CNTNAP2: variants seen among roughly 807,000 people sequenced by gnomAD.
CNTNAP2 encodes contactin-associated protein-like 2.
A neutral mutation model predicts 155.2 loss-of-function variants in CNTNAP2; 98 were observed. The observed-to-expected ratio is 0.63, with a 90% CI of 0.54 to 0.75. The LOEUF is 0.75. CNTNAP2 is among the 30% of genes least tolerant of loss of function. CNTNAP2 has a pLI of 0.00. For missense variants in CNTNAP2, 1,727 were observed against 1,688.1 expected (o/e 1.02, Z -0.40); for synonymous variants, 651 against 631.2 (o/e 1.03, Z -0.47).
intron 1 of CNTNAP2, among the ~76,000 whole-genome samples, chr7:146,699,741 G>A (rs1800843041): frequency 6.6e-6 from 1 of 152,066 alleles, no homozygotes; most frequent in Admixed American, 6.6e-5. Context: ...GCCGAGGTGG[G>A]AGGATCATCT....
chr7:148,394,540 GA>G (rs1799423585), intron 22 of CNTNAP2, among the ~76,000 whole-genome samples: 1 of 151,960 alleles, frequency 6.6e-6, no homozygotes, highest in Admixed American at 6.6e-5. Flanking sequence ...CATTTTATTG[GA>G]ATTGTTTAAA....
At chr7:146,148,716 C>CA (rs1797990597) in intron 1 of CNTNAP2, among the ~76,000 whole-genome samples, 1 of 151,974 alleles carries the variant, frequency 6.6e-6, no homozygotes, top group Admixed American at 6.6e-5. Flanking sequence ...AGGCTATAAT[C>CA]ACAAAATAGT....
intron 9 of CNTNAP2, among the ~76,000 whole-genome samples, chr7:147,347,445 TATATATATATGC>T (rs1795889685): frequency 2.0e-5 from 1 of 50,582 alleles, no homozygotes; most frequent in Non-Finnish European, 4.4e-5. Flanking sequence ...TATATGCATA[TATATATATATGC>T]ATATATATAT....
At chr7:147,144,393 C>T (rs1284988683) in intron 8 of CNTNAP2, among the ~76,000 whole-genome samples, 1 of 152,204 alleles carries the variant, frequency 6.6e-6, no homozygotes, top group Admixed American at 6.5e-5. Flanking sequence ...ACACATACTA[C>T]ACTTCCAGCA....
chr7:147,656,348 C>T (rs1563041063), intron 13 of CNTNAP2, among the ~76,000 whole-genome samples: 1 of 152,202 alleles, frequency 6.6e-6, no homozygotes, highest in Admixed American at 6.5e-5. Flanking sequence ...GGTTAGCTTC[C>T]AGCCTATCTT....
rs181553317 is a variant in CNTNAP2 at position 147,875,670 on chromosome 7, T to C, written c.2099-27895T>C. On this transcript the variant is annotated intron_variant, in intron 13 of 23. Transcript: ENST00000361727. ...ACTTTGGGAGGCCAAGGTAGTAGGATACCTTGAGCCCATGAGTTCAAGGCC... is the reference window on the plus strand; with the variant it reads ...ACTTTGGGAGGCCAAGGTAGTAGGACACCTTGAGCCCATGAGTTCAAGGCC... Among the ~76,000 whole-genome samples the C allele has an allele frequency of 4.6e-5, 7 of 152,252 alleles. No homozygotes were observed. In the East Asian group the frequency reaches 1.4e-3, roughly 29 times the overall value.
Position 146,765,831 on chromosome 7 carries a change from G to T in CNTNAP2, c.98-8440G>T, listed in dbSNP as rs147185518. On this transcript the variant is annotated intron_variant, in intron 1 of 23. Transcript: ENST00000361727. Reference sequence around the variant, plus strand: ...TTTGCGTCAGAATCAGAGTGGAAAGGAACCAGCTCTTTTAAACCTGGTAGA... The same window carrying T: ...TTTGCGTCAGAATCAGAGTGGAAAGTAACCAGCTCTTTTAAACCTGGTAGA... Among the ~76,000 whole-genome samples the T allele has an allele frequency of 2.1e-3, 324 of 152,238 alleles. 2 individuals are homozygous for T. The highest frequency in any genetic ancestry group is 7.4e-3 in the African/African-American group (309 of 41,552).
chr7:148,156,906 T>C (rs1805409271), intron 17 of CNTNAP2, among the ~76,000 whole-genome samples: 1 of 152,116 alleles, frequency 6.6e-6, no homozygotes. Flanking sequence ...TGAGTCTACC[T>C]CCAGACTGTC....
chr7:147,367,374 A>G (rs909505486), intron 9 of CNTNAP2, among the ~76,000 whole-genome samples: 1 of 152,188 alleles, frequency 6.6e-6, no homozygotes, highest in African/African-American at 2.4e-5. Context: ...GCCGTTCTCT[A>G]GTGTCACAGC....
intron 13 of CNTNAP2, among the ~76,000 whole-genome samples, chr7:147,723,301 A>G (rs1377017169): frequency 6.6e-6 from 1 of 152,102 alleles, no homozygotes; most frequent in Non-Finnish European, 1.5e-5. Flanking sequence ...GAAAAATGGC[A>G]TGTGTAGTAG....
intron 11 of CNTNAP2, among the ~76,000 whole-genome samples, chr7:147,517,789 C>G (rs1468686656): frequency 3.3e-5 from 5 of 149,564 alleles, no homozygotes; most frequent in Non-Finnish European, 7.4e-5. Flanking sequence ...TAAAAAGTCT[C>G]AAGTAACAAT....
intron 13 of CNTNAP2, among the ~76,000 whole-genome samples, chr7:147,800,161 A>G (rs892059375): frequency 2.6e-5 from 4 of 152,178 alleles, no homozygotes; most frequent in Non-Finnish European, 5.9e-5. Flanking sequence ...AATTTTGTCT[A>G]TACTCCCAAG....
intron 1 of CNTNAP2, among the ~76,000 whole-genome samples, chr7:146,675,448 A>G (rs1437053128): frequency 6.6e-6 from 1 of 152,204 alleles, no homozygotes; most frequent in Non-Finnish European, 1.5e-5. Flanking sequence ...GACTTGCTCT[A>G]TGACCTTAGG....
intron 14 of CNTNAP2, among the ~76,000 whole-genome samples, chr7:147,952,710 A>G (rs1800957016): frequency 6.6e-6 from 1 of 152,146 alleles, no homozygotes; most frequent in Admixed American, 6.5e-5. Flanking sequence ...ACACACACAG[A>G]CACGTCACAT....
In CNTNAP2 at chr7:147,339,495, T is replaced by G. The variant is rs1040218705; in HGVS notation, c.1498+39205T>G. ...AGACACAGCTGCCCAGTCTTGAACT[T>G]TGCAGCCACCAGACTCCATGAGCCA... On this transcript the variant is annotated intron_variant, in intron 9 of 23. Transcript: ENST00000361727. Among the ~76,000 whole-genome samples, 28 of 152,148 alleles carry G rather than the reference T, an allele frequency of 1.8e-4. 1 individual carries two copies. Among genetic ancestry groups the G allele is most frequent in the African/African-American group, 6.5e-4 (27 of 41,436 alleles).
chr7:147,073,496 A>G (rs1433234319), intron 4 of CNTNAP2, among the ~76,000 whole-genome samples: 1 of 152,174 alleles, frequency 6.6e-6, no homozygotes, highest in East Asian at 1.9e-4. Flanking sequence ...ATTGTGACTT[A>G]GCTATGCATA....
At chr7:148,191,323 T>G (rs542824664) in intron 18 of CNTNAP2, among the ~76,000 whole-genome samples, 3 of 152,142 alleles carry the variant, frequency 2.0e-5, no homozygotes, top group Admixed American at 6.5e-5. Flanking sequence ...CCTCTTCTCT[T>G]TGTCCTTCTG....
At chr7:146,735,293 C>T (rs1801593028) in intron 1 of CNTNAP2, among the ~76,000 whole-genome samples, 1 of 152,182 alleles carries the variant, frequency 6.6e-6, no homozygotes, top group South Asian at 2.1e-4. Flanking sequence ...TGGCTCACGC[C>T]TGTAATCCCG....
At position 146,384,278 on chromosome 7, in the gene CNTNAP2, T is replaced by C. The variant is rs759882959; in HGVS notation, c.97+267305T>C. ...AAACCCAATCATATTGTTAGAACTTTCGTTGTACAGAAATTATTTCTGCTT... is the reference window on the plus strand; with the variant it reads ...AAACCCAATCATATTGTTAGAACTTCCGTTGTACAGAAATTATTTCTGCTT... On this transcript the variant is annotated intron_variant, in intron 1 of 23. Coordinates refer to ENST00000361727, the MANE Select transcript of CNTNAP2 (RefSeq NM_014141.6). 2.6e-5 allele frequency among the ~76,000 whole-genome samples: 4 copies of C among 152,182 alleles called. No individual in the cohort carries two copies. In the South Asian group the frequency reaches 6.2e-4, roughly 24 times the overall value.
Sources: gnomAD v4.1 joint callset for allele counts (sites outside exome capture counted in the v4.1 genomes callset) on GRCh38, gnomAD v4.1.1 for gene constraint, MANE v1.5 for transcripts, NCBI Gene and HGNC (gene_info 2026-07-23, HGNC 2026-07-21) for gene names.